The following RGS20 variants were observed in gnomAD, a reference collection of about 807,000 sequenced individuals.
The protein encoded by RGS20 is regulator of G protein signaling 20.
A neutral mutation model predicts 33.6 loss-of-function variants in RGS20; 30 were observed. That is an observed-to-expected ratio of 0.89 (90% CI 0.67 to 1.21). The LOEUF (loss-of-function observed/expected upper bound fraction) is 1.21. RGS20 is among the 50% of genes most tolerant of loss of function. The pLI, the probability that RGS20 is intolerant of heterozygous loss-of-function variation, is 0.00. For missense variants in RGS20, 472 were observed against 502.4 expected, an observed-to-expected ratio of 0.94 and a Z score of 0.58; for synonymous variants, 208 against 197.9, an observed-to-expected ratio of 1.05 and a Z score of -0.43.
At chr8:53,928,072 A>G (rs1441992592) in intron 2 of RGS20, among the ~76,000 whole-genome samples, 1 of 152,188 alleles carries the variant, frequency 6.6e-6, no homozygotes, top group African/African-American at 2.4e-5. Context: ...ACCTAAATAG[A>G]TTTTTTTTAA....
Position 53,851,986 on chromosome 8 carries a change from C to T in RGS20, c.87C>T (p.Phe29=), listed in dbSNP as rs1390583626. 1 of 1,614,172 alleles carries T rather than the reference C, an allele frequency of 6.2e-7. No individual in the cohort carries two copies. Among genetic ancestry groups the T allele is most frequent in the Non-Finnish European group, 8.5e-7 (1 of 1,179,998 alleles). Residue 29 remains phenylalanine, a synonymous_variant, in exon 1 of 6, where the codon TTC becomes TTT. Coordinates refer to ENST00000297313, the MANE Select transcript of RGS20 (RefSeq NM_170587.4). ...TATGGACACAGTTTCTGCCCCTGTT[C>T]AGGGCTCAGAGATATAATACAGACA...
intron 2 of RGS20, among the ~76,000 whole-genome samples, chr8:53,918,151 G>A (rs115036355): frequency 0.016 from 2,418 of 152,184 alleles, 53 homozygotes; most frequent in African/African-American, 0.054. Context: ...TCTTAGCACA[G>A]TCACAAAGTT....
chr8:53,879,178 T>C, intron 1 of RGS20: 1 of 1,152,500 alleles, frequency 8.7e-7, no homozygotes, highest in Non-Finnish European at 1.3e-6. Flanking sequence ...GCTTCAAAAT[T>C]CTGTAGTAAA....
chr8:53,871,939 A>G (rs1812079100), intron 1 of RGS20, among the ~76,000 whole-genome samples: 1 of 151,664 alleles, frequency 6.6e-6, no homozygotes, highest in African/African-American at 2.4e-5. Context: ...TCCCACCCAG[A>G]CCTCCCTACC....
chr8:53,948,413 A>ATATATG lies in RGS20; in HGVS notation c.743+1665_743+1666insTATATG, dbSNP rs1276317916. Among the ~76,000 whole-genome samples the ATATATG allele has an allele frequency of 1.7e-4, 24 of 143,206 alleles. 1 individual carries two copies. Among genetic ancestry groups the ATATATG allele is most frequent in the Admixed American group, 4.3e-4 (6 of 14,082 alleles). 93.9% of individuals were successfully genotyped at this position (143,206 alleles called of 152,430 possible). On this transcript the variant is annotated intron_variant, in intron 4 of 5. Transcript: ENST00000297313. ...TATATATAAGATACAGTATATATTT[A>ATATATG]CATATGCTATATATAAGATACAGTA...
chr8:53,870,453 T>C (rs912761093), intron 1 of RGS20, among the ~76,000 whole-genome samples: 1 of 152,264 alleles, frequency 6.6e-6, no homozygotes, highest in Non-Finnish European at 1.5e-5. Flanking sequence ...CATATGAGAC[T>C]AATGCCTGCA....
chr8:53,880,909 G>T, intron 2 of RGS20: 1 of 1,535,488 alleles, frequency 6.5e-7, no homozygotes, highest in South Asian at 1.2e-5. Flanking sequence ...AAGAGGGCTA[G>T]AGCAAAGACC....
chr8:53,909,384 G>A (rs907630149), intron 2 of RGS20, among the ~76,000 whole-genome samples: 10 of 151,070 alleles, frequency 6.6e-5, no homozygotes, highest in African/African-American at 2.4e-4. Context: ...CAAATAGCTG[G>A]GACTATAGGC....
At chr8:53,947,169 CTATA>C (rs1366562584) in intron 4 of RGS20, among the ~76,000 whole-genome samples, 1 of 140,576 alleles carries the variant, frequency 7.1e-6, no homozygotes, top group Non-Finnish European at 1.5e-5. Flanking sequence ...TTTATACACT[CTATA>C]TAAGATATAG....
rs534008380 is a variant in RGS20 at position 53,954,612 on chromosome 8, C to T, written c.978+302C>T. Among the ~76,000 whole-genome samples the T allele has an allele frequency of 2.0e-4, 31 of 151,434 alleles. 1 individual carries two copies. In the South Asian group the frequency reaches 5.2e-3, roughly 26 times the overall value. ...CTAGGAGGCAGAGGATGCAGTGAGCCGAGATTGTGCCATTGCACTCCAGCC... is the reference window on the plus strand; with the variant it reads ...CTAGGAGGCAGAGGATGCAGTGAGCTGAGATTGTGCCATTGCACTCCAGCC... On this transcript the variant is annotated intron_variant, in intron 5 of 5. Transcript: ENST00000297313.
intron 1 of RGS20, among the ~76,000 whole-genome samples, chr8:53,872,195 G>A (rs1049744131): frequency 6.6e-6 from 1 of 152,062 alleles, no homozygotes; most frequent in Non-Finnish European, 1.5e-5. Context: ...TGCCAAACCT[G>A]TCCATTTATT....
At chr8:53,909,450 T>G (rs1333490680) in intron 2 of RGS20, among the ~76,000 whole-genome samples, 1 of 151,426 alleles carries the variant, frequency 6.6e-6, no homozygotes, top group Non-Finnish European at 1.5e-5. Flanking sequence ...AGGGTTTCCC[T>G]ATATTACCCA....
chr8:53,869,107 A>G (rs576422859), intron 1 of RGS20, among the ~76,000 whole-genome samples: 1 of 152,312 alleles, frequency 6.6e-6, no homozygotes, highest in African/African-American at 2.4e-5. Flanking sequence ...TAAAACTTCA[A>G]AAGTGAGTTT....
In RGS20 at chr8:53,879,387, C is replaced by G. The variant is rs752650196; in HGVS notation, c.295C>G (p.Arg99Gly). The G allele has an allele frequency of 2.9e-5, 46 of 1,611,268 alleles. No individual in the cohort carries two copies. Among genetic ancestry groups the G allele is most frequent in the South Asian group, 1.1e-5 (1 of 91,066 alleles). The change falls in exon 2 of 6, where the codon CGG becomes GGG. Residue 99 changes from arginine (R) to glycine (G), a missense_variant. Physicochemically the swap from Arg to Gly is moderately radical, Grantham distance 125. This residue lies in a region of RGS20 where 319 missense variants were observed against 283.4 expected (regional missense o/e 1.13). Coordinates refer to ENST00000297313, the MANE Select transcript of RGS20 (RefSeq NM_170587.4). ...CCGGCGACCCCCTCCCGAGGCTCCC[C>G]GGAGGCGCCTGGACTTCTCCCCCCT...
In RGS20 at chr8:53,903,255, C is replaced by A. The variant is rs577273606; in HGVS notation, c.510+23653C>A. On this transcript the variant is annotated intron_variant, in intron 2 of 5. Coordinates refer to ENST00000297313, the MANE Select transcript of RGS20 (RefSeq NM_170587.4). ...TTAGGTGCCTATTGTATGCTAGACACTGTTCTACCATCAGTAAAAAAGCAC... is the reference window on the plus strand; with the variant it reads ...TTAGGTGCCTATTGTATGCTAGACAATGTTCTACCATCAGTAAAAAAGCAC... Among the ~76,000 whole-genome samples, 9 of 152,308 alleles carry A rather than the reference C, an allele frequency of 5.9e-5. No homozygotes were observed. In the South Asian group the frequency reaches 1.9e-3, roughly 32 times the overall value.
At chr8:53,942,072 G>A (rs1201661551) in intron 3 of RGS20, among the ~76,000 whole-genome samples, 7 of 152,106 alleles carry the variant, frequency 4.6e-5, no homozygotes, top group East Asian at 1.9e-4. Context: ...TCGGGAGTTC[G>A]AGACCAGCCC....
intron 2 of RGS20, chr8:53,881,040 C>A (rs777518345): frequency 1.3e-6 from 2 of 1,569,364 alleles, no homozygotes; most frequent in Non-Finnish European, 1.7e-6. Flanking sequence ...CGGAGGCGAG[C>A]CGGCCGGGGC....
intron 3 of RGS20, among the ~76,000 whole-genome samples, chr8:53,944,736 A>G (rs1288602463): frequency 1.3e-5 from 2 of 152,232 alleles, no homozygotes; most frequent in Non-Finnish European, 2.9e-5. Context: ...TGTAGGCTTC[A>G]GGTCTTAAAA....
chr8:53,888,775 A>G (rs1332709014), intron 2 of RGS20, among the ~76,000 whole-genome samples: 5 of 152,206 alleles, frequency 3.3e-5, no homozygotes, highest in Admixed American at 2.6e-4. Flanking sequence ...TTTTTTCACC[A>G]TATACCAATT....
Sources: allele counts gnomAD v4.1 joint callset (sites outside exome capture counted in the v4.1 genomes callset), GRCh38; gene constraint gnomAD v4.1.1; regional missense constraint gnomAD v4.1.1; transcripts MANE v1.5; gene names NCBI Gene and HGNC (gene_info 2026-07-23, HGNC 2026-07-21).